EMP2: variants seen among roughly 807,000 people sequenced by gnomAD.
EMP2 encodes the protein epithelial membrane protein 2.
Under a neutral mutation model 13.7 loss-of-function variants are expected in EMP2, and 19 were observed. That is an observed-to-expected ratio of 1.38 (90% CI 0.97 to 2.03). The LOEUF is 2.03. Ranked by LOEUF, EMP2 falls within the 30% of genes most tolerant of loss-of-function variation. The probability of loss-of-function intolerance (pLI) is 0.00; values close to 1 mark genes in which losing one functional copy is unlikely to be tolerated. For missense variants in EMP2, 253 were observed against 220.7 expected, an observed-to-expected ratio of 1.15 and a Z score of -0.93; for synonymous variants, 97 against 84.7, an observed-to-expected ratio of 1.15 and a Z score of -0.80.
chr16:10,553,372 C>T (rs910386826), intron 1 of EMP2, among the ~76,000 whole-genome samples: 1 of 152,232 alleles, frequency 6.6e-6, no homozygotes, highest in African/African-American at 2.4e-5. Flanking sequence ...ACACTCTCTG[C>T]CTCGTCCCGC....
intron 1 of EMP2, among the ~76,000 whole-genome samples, chr16:10,563,005 A>C (rs1251900142): frequency 1.3e-5 from 2 of 152,174 alleles, no homozygotes; most frequent in Admixed American, 1.3e-4. Context: ...TGTCAGCATG[A>C]GAGTGAGGTT....
intron 1 of EMP2, among the ~76,000 whole-genome samples, chr16:10,549,630 T>C (rs911272256): frequency 3.3e-5 from 5 of 152,100 alleles, no homozygotes; most frequent in African/African-American, 9.7e-5. Context: ...TAATTTGTAG[T>C]TTCATGTTTT....
rs548704333 is a variant in EMP2 at position 10,543,840 on chromosome 16, A to G, written c.79-180T>C. Among the ~76,000 whole-genome samples the G allele has an allele frequency of 1.1e-4, 16 of 152,074 alleles. No individual in the cohort carries two copies. The East Asian group carries it at 3.1e-3, about 29-fold the overall frequency. The stretch of plus-strand genomic sequence containing the variant: ...CAGGAGGTCTGGGGTGGGGACTGGG[A>G]TTCTGCATTTCTTTCTTTTCTATTT... On this transcript the variant is annotated intron_variant, in intron 2 of 4. Transcript: ENST00000359543.
intron 3 of EMP2, among the ~76,000 whole-genome samples, chr16:10,542,243 C>T (rs566395451): frequency 3.9e-5 from 6 of 152,086 alleles, no homozygotes; most frequent in East Asian, 1.9e-4. Flanking sequence ...ACAAAAATTA[C>T]GAAAATTAGC....
At chr16:10,536,060 C>T (rs373084573) in intron 4 of EMP2, among the ~76,000 whole-genome samples, 93 of 152,166 alleles carry the variant, frequency 6.1e-4, no homozygotes, top group African/African-American at 2.2e-3. Flanking sequence ...TCAAGTGACC[C>T]TCCGGAGTCT....
intron 1 of EMP2, among the ~76,000 whole-genome samples, chr16:10,550,176 G>A (rs147417687): frequency 0.018 from 2,702 of 152,022 alleles, 63 homozygotes; most frequent in African/African-American, 0.061. Flanking sequence ...GTGAGCCACC[G>A]CACCTGGTTG....
At position 10,549,756 on chromosome 16, in the gene EMP2, GTC is replaced by G. The variant is rs1025185152; in HGVS notation, c.-60-2081_-60-2080del. On this transcript the variant is annotated intron_variant, in intron 1 of 4. Coordinates refer to ENST00000359543, the MANE Select transcript of EMP2 (RefSeq NM_001424.6). ...ACACACACACACACACACATACACT[GTC>G]TCTCTTTTTCTGAACCACTTGAGAG... Among the ~76,000 whole-genome samples, 9 of 139,094 alleles carry G rather than the reference GTC, an allele frequency of 6.5e-5. No individual in the cohort carries two copies. In the South Asian group the frequency reaches 7.0e-4, roughly 11 times the overall value. 91.3% of individuals were successfully genotyped at this position (139,094 alleles called of 152,430 possible). A position where few individuals can be genotyped will look rare whatever the true frequency, so the allele number is the denominator to read the frequency against.
intron 1 of EMP2, among the ~76,000 whole-genome samples, chr16:10,567,654 GC>G (rs1225286264): frequency 1.3e-5 from 2 of 152,174 alleles, no homozygotes; most frequent in Non-Finnish European, 2.9e-5. Context: ...TTCTCTAGGA[GC>G]CCTAAGACCC....
At chr16:10,568,803 T>TG (rs869148110) in intron 1 of EMP2, among the ~76,000 whole-genome samples, 1 of 148,138 alleles carries the variant, frequency 6.8e-6, no homozygotes, top group Admixed American at 6.7e-5. Flanking sequence ...TTTTTTTTTT[T>TG]GAGATGGAAT....
intron 1 of EMP2, among the ~76,000 whole-genome samples, chr16:10,560,466 G>A (rs1375233174): frequency 1.3e-5 from 2 of 152,202 alleles, no homozygotes; most frequent in Non-Finnish European, 2.9e-5. Context: ...TTTGCAGGTG[G>A]CAGAGCCAGG....
intron 1 of EMP2, among the ~76,000 whole-genome samples, chr16:10,550,467 A>T (rs2050778433): frequency 6.6e-6 from 1 of 152,170 alleles, no homozygotes; most frequent in Non-Finnish European, 1.5e-5. Context: ...CTTATTTTGT[A>T]GAATGTCCCT....
At chr16:10,557,589 C>A (rs1022503632) in intron 1 of EMP2, among the ~76,000 whole-genome samples, 2 of 152,148 alleles carry the variant, frequency 1.3e-5, no homozygotes, top group African/African-American at 4.8e-5. Flanking sequence ...AAATTAACTT[C>A]TAAATGAATC....
intron 1 of EMP2, among the ~76,000 whole-genome samples, chr16:10,563,798 G>C (rs74544669): frequency 0.099 from 15,091 of 152,232 alleles, 883 homozygotes; most frequent in Non-Finnish European, 0.13. Context: ...GATGACATTG[G>C]TATCCCTACC....
chr16:10,551,818 TC>T (rs548868669), intron 1 of EMP2, among the ~76,000 whole-genome samples: 186 of 152,200 alleles, frequency 1.2e-3, no homozygotes, highest in African/African-American at 4.2e-3. Flanking sequence ...AGCTCTCCTC[TC>T]CAACCATGCT....
intron 1 of EMP2, among the ~76,000 whole-genome samples, chr16:10,563,871 TG>T (rs2050889601): frequency 6.6e-6 from 1 of 152,234 alleles, no homozygotes; most frequent in African/African-American, 2.4e-5. Flanking sequence ...ATGTAGCAAA[TG>T]CTATGAAGTG....
At chr16:10,549,403 T>C (rs1340551860) in intron 1 of EMP2, among the ~76,000 whole-genome samples, 2 of 152,178 alleles carry the variant, frequency 1.3e-5, no homozygotes, top group South Asian at 2.1e-4. Flanking sequence ...ATGCTTTAAC[T>C]ATCAAACAAT....
At chr16:10,573,173 C>A (rs919282552) in intron 1 of EMP2, among the ~76,000 whole-genome samples, 7 of 152,218 alleles carry the variant, frequency 4.6e-5, no homozygotes, top group African/African-American at 1.7e-4. Context: ...CCTCAGCCTT[C>A]AGAGCAGCTG....
chr16:10,556,124 T>C (rs1261708424), intron 1 of EMP2, among the ~76,000 whole-genome samples: 3 of 152,222 alleles, frequency 2.0e-5, no homozygotes, highest in African/African-American at 7.2e-5. Flanking sequence ...AATATTGTAC[T>C]CTACAGAGCC....
At chr16:10,539,685 G>A (rs1421089995) in intron 3 of EMP2, among the ~76,000 whole-genome samples, 1 of 152,040 alleles carries the variant, frequency 6.6e-6, no homozygotes, top group East Asian at 1.9e-4. Flanking sequence ...TAAGAAGCCT[G>A]CGTTTCCTTG....
Sources: gnomAD v4.1 joint callset for allele counts (sites outside exome capture counted in the v4.1 genomes callset) on GRCh38, gnomAD v4.1.1 for gene constraint, MANE v1.5 for transcripts, NCBI Gene and HGNC (gene_info 2026-07-23, HGNC 2026-07-21) for gene names.